Variants in CARS1 observed in about 807,000 individuals in gnomAD.
CARS1 encodes the protein cysteinyl-tRNA synthetase 1, also known as cysteine--tRNA ligase, cytoplasmic.
A neutral mutation model predicts 106.2 loss-of-function variants in CARS1; 48 were observed. That is an observed-to-expected ratio of 0.45 (90% CI 0.36 to 0.57). The LOEUF is 0.57. CARS1 is among the 20% of genes least tolerant of loss of function. The pLI, the probability that CARS1 is intolerant of heterozygous loss-of-function variation, is 0.00. For missense variants in CARS1, 968 were observed against 1,057.2 expected (o/e 0.92, Z 1.17); for synonymous variants, 409 against 403.4 (o/e 1.01, Z -0.17).
Position 3,039,114 on chromosome 11 carries a change from C to T in CARS1, c.651+80G>A. On this transcript the variant is annotated intron_variant, in intron 6 of 22. Coordinates refer to ENST00000380525, the MANE Select transcript of CARS1 (RefSeq NM_001014437.3). The surrounding 1 kb of genome is among the most constrained non-coding windows in gnomAD (Gnocchi z 5.6). ...GTGAAAGCCTGTGAGACTGACACTA[C>T]CCTAGGGACAGTAGCCTACAAAGGA... 4.5e-6 allele frequency: 4 copies of T among 885,558 alleles called. No individual in the cohort carries two copies. The highest frequency in any genetic ancestry group is 5.6e-6 in the Non-Finnish European group (3 of 536,392). The allele number at this position is 885,558 out of a possible 1,614,324, so 54.9% of individuals were successfully genotyped here.
At chr11:3,002,909 T>G (rs12789474) in intron 20 of CARS1, among the ~76,000 whole-genome samples, 42,395 of 152,108 alleles carry the variant, frequency 0.28, 7,072 homozygotes, top group East Asian at 0.63. Flanking sequence ...CATGAAGAAA[T>G]GGACCAGCAT....
In CARS1 at chr11:3,020,246, G is replaced by C. The variant is rs372193682; in HGVS notation, c.1240C>G (p.Pro414Ala). 6 of 1,611,928 alleles carry C rather than the reference G, an allele frequency of 3.7e-6. No homozygotes were observed. Among genetic ancestry groups the C allele is most frequent in the South Asian group, 1.1e-5 (1 of 91,046 alleles). Residue 414 changes from proline to alanine, a missense_variant, in exon 11 of 23, where the codon CCG (proline) becomes GCG (alanine). Transcript: ENST00000380525. This position sits in a 1 kb window ranked among gnomAD's most constrained non-coding sequence, Gnocchi z 4.6. ...ALWKASKPGE[P>A]SWPCPWGKGR... The stretch of plus-strand genomic sequence containing the variant: ...TTTCCCCAAGGGCACGGCCAGGACG[G>C]TTCTCCGGGCTTAGAGGCCTTCCAT...
rs1850175436 is a variant in CARS1 at position 3,008,942 on chromosome 11, C to T, written c.2069-1983G>A. On this transcript the variant is annotated intron_variant, in intron 18 of 22. Transcript: ENST00000380525. This position sits in a 1 kb window ranked among gnomAD's most constrained non-coding sequence, Gnocchi z 5.1. ...CATGGGAGGCCACAAGGCCAGCACC[C>T]CAGCCCACCCGCCATGGGTGATCAT... 1 of 152,382 alleles carries T rather than the reference C, an allele frequency of 6.6e-6. No individual in the cohort carries two copies. Among genetic ancestry groups the T allele is most frequent in the East Asian group, 1.9e-4 (1 of 5,196 alleles). The allele number at this position is 152,382 out of a possible 1,614,324, so 9.4% of individuals were successfully genotyped here.
At position 3,017,397 on chromosome 11, in the gene CARS1, C is replaced by A; in HGVS notation, c.1728-102G>T. 1 of 1,027,010 alleles carries A rather than the reference C, an allele frequency of 9.7e-7. No homozygotes were observed. The highest frequency in any genetic ancestry group is 1.5e-6 in the Non-Finnish European group (1 of 686,546). 63.6% of individuals were successfully genotyped at this position (1,027,010 alleles called of 1,614,324 possible). On this transcript the variant is annotated intron_variant, in intron 15 of 22. Coordinates refer to ENST00000380525, the MANE Select transcript of CARS1 (RefSeq NM_001014437.3). This position sits in a 1 kb window ranked among gnomAD's most constrained non-coding sequence, Gnocchi z 4.9. ...GTGGCTCACGCCTATAATCCCAGCA[C>A]TTTGGGAGGCTGAGGTGGGCGGATC...
intron 17 of CARS1, among the ~76,000 whole-genome samples, chr11:3,013,810 G>A (rs571796477): frequency 9.0e-4 from 137 of 152,272 alleles, no homozygotes; most frequent in African/African-American, 3.2e-3. Context: ...CGGAGATTGC[G>A]CTACTGCACT....
At position 3,020,160 on chromosome 11, in the gene CARS1, G is replaced by C. The variant is rs1285105252; in HGVS notation, c.1266+60C>G. 6.0e-6 allele frequency: 6 copies of C among 992,574 alleles called. No individual in the cohort carries two copies. Among genetic ancestry groups the C allele is most frequent in the Non-Finnish European group, 9.8e-6 (6 of 614,506 alleles). 61.5% of individuals were successfully genotyped at this position (992,574 alleles called of 1,614,324 possible). A position where few individuals can be genotyped will look rare whatever the true frequency, so the allele number is the denominator to read the frequency against. On this transcript the variant is annotated intron_variant, in intron 11 of 22. Transcript: ENST00000380525. The surrounding 1 kb of genome is among the most constrained non-coding windows in gnomAD (Gnocchi z 4.6). ...GAGCGGCCCTCTGCTGGGGGCCTGA[G>C]AGTGTGGCTGGCGCCAGTGCCCCTG...
At chr11:3,035,351 TCAAACC>T (rs756116877) in intron 7 of CARS1, among the ~76,000 whole-genome samples, 13 of 152,078 alleles carry the variant, frequency 8.5e-5, no homozygotes, top group Non-Finnish European at 1.5e-4. Flanking sequence ...AAAGGGACAT[TCAAACC>T]ACAGCAATCA....
Position 3,039,761 on chromosome 11 carries a change from A to G in CARS1, c.552+74T>C. Reference sequence around the variant, plus strand: ...AAGCTAGCTCAAGCCTACATTATTTACTTATGCGAAAGTTCTATCTTCTTT... The same window carrying G: ...AAGCTAGCTCAAGCCTACATTATTTGCTTATGCGAAAGTTCTATCTTCTTT... On this transcript the variant is annotated intron_variant, in intron 5 of 22. Coordinates refer to ENST00000380525, the MANE Select transcript of CARS1 (RefSeq NM_001014437.3). The surrounding 1 kb of genome is among the most constrained non-coding windows in gnomAD (Gnocchi z 5.6). 1 of 716,226 alleles carries G rather than the reference A, an allele frequency of 1.4e-6. No homozygotes were observed. The highest frequency in any genetic ancestry group is 2.8e-5 in the East Asian group (1 of 36,112). The allele number at this position is 716,226 out of a possible 1,614,324, so 44.4% of individuals were successfully genotyped here.
chr11:3,036,332 T>C (rs989497692), intron 7 of CARS1, among the ~76,000 whole-genome samples: 2 of 152,140 alleles, frequency 1.3e-5, no homozygotes, highest in African/African-American at 4.8e-5. Flanking sequence ...CACTCACATA[T>C]ATCCTACACA....
At chr11:3,016,761 T>C (rs1283340562) in intron 16 of CARS1, among the ~76,000 whole-genome samples, 2 of 151,946 alleles carry the variant, frequency 1.3e-5, no homozygotes, top group South Asian at 4.2e-4. Context: ...AACAGGTGTG[T>C]GCCACCACAC....
At chr11:3,042,031 T>TA in intron 3 of CARS1, 134 bp downstream of exon 3, 1 of 630,746 alleles carries the variant, frequency 1.6e-6, no homozygotes, top group Admixed American at 3.0e-5. Context: ...TGAAGGATCT[T>TA]AAACCTGGAT....
At position 3,045,702 on chromosome 11, in the gene CARS1, AG is replaced by A. The variant is rs1785208535; in HGVS notation, c.274+2050del. ...TGCTGGGATGTCCAACAGAGGTGGA[AG>A]GGCGAGCAGGAGGAGGGGCACATGG... On this transcript the variant is annotated intron_variant, in intron 2 of 22. Coordinates refer to ENST00000380525, the MANE Select transcript of CARS1 (RefSeq NM_001014437.3). This position sits in a 1 kb window ranked among gnomAD's most constrained non-coding sequence, Gnocchi z 5.6. 6.6e-6 allele frequency among the ~76,000 whole-genome samples: 1 copy of A among 152,204 alleles called. No individual in the cohort carries two copies. Among genetic ancestry groups the A allele is most frequent in the Non-Finnish European group, 1.5e-5 (1 of 68,030 alleles).
chr11:3,024,439 TAA>T (rs1351657700), intron 10 of CARS1, among the ~76,000 whole-genome samples: 1 of 150,460 alleles, frequency 6.6e-6, no homozygotes. Flanking sequence ...TTTTTTATTT[TAA>T]AAAAAAAATT....
At position 3,004,123 on chromosome 11, in the gene CARS1, G is replaced by A. The variant is rs1849640006; in HGVS notation, c.2217+1243C>T. Among the ~76,000 whole-genome samples the A allele has an allele frequency of 1.3e-5, 2 of 152,210 alleles. No individual in the cohort carries two copies. Among genetic ancestry groups the A allele is most frequent in the Non-Finnish European group, 2.9e-5 (2 of 68,028 alleles). On this transcript the variant is annotated intron_variant, in intron 20 of 22. Coordinates refer to ENST00000380525, the MANE Select transcript of CARS1 (RefSeq NM_001014437.3). The surrounding 1 kb of genome is among the most constrained non-coding windows in gnomAD (Gnocchi z 5.2). ...GCAGGCGAGACCCAAGGCTAGGTGA[G>A]TGACTGTGATGGAATGGGGAGGGGC...
intron 7 of CARS1, among the ~76,000 whole-genome samples, chr11:3,036,036 G>T (rs979892659): frequency 2.0e-5 from 3 of 152,238 alleles, no homozygotes; most frequent in East Asian, 3.8e-4. Flanking sequence ...ATTGCGGCAC[G>T]TGCCAGGCAG....
In CARS1 at chr11:3,048,818, T is replaced by TCACCTGG. The variant is rs1350804705; in HGVS notation, c.26-824_26-818dup. Among the ~76,000 whole-genome samples, 1 of 152,192 alleles carries TCACCTGG rather than the reference T, an allele frequency of 6.6e-6. No individual in the cohort carries two copies. Among genetic ancestry groups the TCACCTGG allele is most frequent in the Non-Finnish European group, 1.5e-5 (1 of 68,022 alleles). On this transcript the variant is annotated intron_variant, in intron 1 of 22. Coordinates refer to ENST00000380525, the MANE Select transcript of CARS1 (RefSeq NM_001014437.3). This position sits in a 1 kb window ranked among gnomAD's most constrained non-coding sequence, Gnocchi z 5.1. ...GAAAATGTGGCTGCTCCAGCCAGCC[T>TCACCTGG]CACCTGGCCCCTGGCCCCTGGCCCC...
chr11:3,034,104 A>C lies in CARS1; in HGVS notation c.801+3946T>G, dbSNP rs556492394. Reference sequence around the variant, plus strand: ...GTCTGGGCTGGACAATTTGACCAACAGAACAGAATTAAGAGACACAAACAC... The same window carrying C: ...GTCTGGGCTGGACAATTTGACCAACCGAACAGAATTAAGAGACACAAACAC... On this transcript the variant is annotated intron_variant, in intron 7 of 22. Coordinates refer to ENST00000380525, the MANE Select transcript of CARS1 (RefSeq NM_001014437.3). This position sits in a 1 kb window ranked among gnomAD's most constrained non-coding sequence, Gnocchi z 6.3. 6.6e-6 allele frequency among the ~76,000 whole-genome samples: 1 copy of C among 152,310 alleles called. No individual in the cohort carries two copies. The highest frequency in any genetic ancestry group is 2.4e-5 in the African/African-American group (1 of 41,564).
At position 3,040,849 on chromosome 11, in the gene CARS1, C is replaced by A. The variant is rs201769719; in HGVS notation, c.455+47G>T. The A allele has an allele frequency of 2.0e-4, 321 of 1,598,654 alleles. 1 individual carries two copies. The highest frequency in any genetic ancestry group is 5.1e-5 in the Admixed American group (3 of 58,458). ...CTGTGGATCCCAATGGCTCTGACTTCTGCGTGCAACTGCAGAAGCTGCAGG... is the reference window on the plus strand; with the variant it reads ...CTGTGGATCCCAATGGCTCTGACTTATGCGTGCAACTGCAGAAGCTGCAGG... On this transcript the variant is annotated intron_variant, in intron 4 of 22. Coordinates refer to ENST00000380525, the MANE Select transcript of CARS1 (RefSeq NM_001014437.3). The surrounding 1 kb of genome is among the most constrained non-coding windows in gnomAD (Gnocchi z 5.8).
Position 3,034,971 on chromosome 11 carries a change from A to T in CARS1, c.801+3079T>A, listed in dbSNP as rs1366022571. Among the ~76,000 whole-genome samples the T allele has an allele frequency of 6.6e-6, 1 of 152,182 alleles. No homozygotes were observed. Among genetic ancestry groups the T allele is most frequent in the African/African-American group, 2.4e-5 (1 of 41,436 alleles). ...CCAGAGTCCCAAGGTGGCGCAGAGC[A>T]TCACATGGCCAGGGGGCTCATGAGG... On this transcript the variant is annotated intron_variant, in intron 7 of 22. Transcript: ENST00000380525. The surrounding 1 kb of genome is among the most constrained non-coding windows in gnomAD (Gnocchi z 6.3).
Sources: gnomAD v4.1 joint callset for allele counts (sites outside exome capture counted in the v4.1 genomes callset) on GRCh38, gnomAD v4.1.1 for gene constraint, Gnocchi (gnomAD v3.1) non-coding constraint, MANE v1.5 for transcripts, NCBI Gene and HGNC (gene_info 2026-07-23, HGNC 2026-07-21) for gene names.